Variants in QTMAN observed in about 807,000 individuals in gnomAD.
The protein encoded by QTMAN is queuosine-tRNA mannosyltransferase.
At chr2:144,060,626 C>T in the QTMAN span, among the ~76,000 whole-genome samples, 1 of 152,312 alleles carries the variant, frequency 6.6e-6, no homozygotes, top group East Asian at 1.9e-4. Context: ...ATAATCATGG[C>T]TTTCTCTACA....
the QTMAN span, among the ~76,000 whole-genome samples, chr2:144,140,221 G>A: frequency 6.6e-6 from 1 of 151,914 alleles, no homozygotes; most frequent in Admixed American, 6.6e-5. Flanking sequence ...TATTTAGCTA[G>A]ATTCCTTTAT....
chr2:144,101,727 T>C, the QTMAN span, among the ~76,000 whole-genome samples: 2 of 152,032 alleles, frequency 1.3e-5, no homozygotes, highest in Admixed American at 1.3e-4. Flanking sequence ...ATATATATAT[T>C]CCCTTTTTGA....
the QTMAN span, among the ~76,000 whole-genome samples, chr2:144,269,983 T>C: frequency 3.9e-5 from 6 of 152,316 alleles, no homozygotes; most frequent in East Asian, 1.9e-4. Context: ...CATTATTTTA[T>C]AGTTTAGATG....
At chr2:144,130,159 G>A in the QTMAN span, among the ~76,000 whole-genome samples, 8 of 151,182 alleles carry the variant, frequency 5.3e-5, no homozygotes, top group African/African-American at 1.9e-4. Context: ...CCCCCACAGG[G>A]GAAAGCCTAT....
chr2:144,043,533 C>A, the QTMAN span, among the ~76,000 whole-genome samples: 2 of 151,672 alleles, frequency 1.3e-5, no homozygotes. Context: ...ACTAGGGAGG[C>A]TGAGGCAGAG....
the QTMAN span, among the ~76,000 whole-genome samples, chr2:144,209,205 A>T: frequency 6.6e-6 from 1 of 152,214 alleles, no homozygotes; most frequent in Admixed American, 6.5e-5. Context: ...ACAGTCACTG[A>T]ACTCATCTTC....
the QTMAN span, among the ~76,000 whole-genome samples, chr2:144,030,367 CA>C: frequency 6.6e-6 from 1 of 152,182 alleles, no homozygotes; most frequent in Non-Finnish European, 1.5e-5. Context: ...CTGAAAGGTT[CA>C]GTTCAATGTC....
At chr2:144,282,400 A>G in the QTMAN span, among the ~76,000 whole-genome samples, 6 of 148,800 alleles carry the variant, frequency 4.0e-5, no homozygotes, top group East Asian at 9.7e-4. Context: ...TATTATATAT[A>G]TGTAATATAT....
the QTMAN span, among the ~76,000 whole-genome samples, chr2:144,196,215 A>C: frequency 5.4e-5 from 2 of 37,274 alleles, no homozygotes; most frequent in African/African-American, 2.4e-4. Flanking sequence ...ACACATAGCC[A>C]CACACACACA....
chr2:143,992,925 G>T, the QTMAN span, among the ~76,000 whole-genome samples: 1 of 152,006 alleles, frequency 6.6e-6, no homozygotes, highest in Non-Finnish European at 1.5e-5. Flanking sequence ...TTTCCACCTT[G>T]AATTCCTAAC....
the QTMAN span, among the ~76,000 whole-genome samples, chr2:143,951,470 G>T: frequency 1.3e-5 from 2 of 151,410 alleles, no homozygotes; most frequent in African/African-American, 2.4e-5. Flanking sequence ...AGAAACTGAG[G>T]ATTTTTTATG....
the QTMAN span, among the ~76,000 whole-genome samples, chr2:143,948,428 G>A: frequency 6.6e-6 from 1 of 152,140 alleles, no homozygotes. Context: ...AAGCAAGAAT[G>A]GCATCTCTCT....
chr2:144,080,255 T>C, the QTMAN span, among the ~76,000 whole-genome samples: 1 of 152,176 alleles, frequency 6.6e-6, no homozygotes, highest in Non-Finnish European at 1.5e-5. Flanking sequence ...TCTATATTTT[T>C]AGAGTGTACA....
the QTMAN span, among the ~76,000 whole-genome samples, chr2:144,278,219 C>T: frequency 6.6e-6 from 1 of 152,178 alleles, no homozygotes; most frequent in East Asian, 1.9e-4. Context: ...AGCCTACAGT[C>T]TTTTGCTTTT....
chr2:144,235,676 C>G, the QTMAN span: 2 of 152,580 alleles, frequency 1.3e-5, no homozygotes, highest in Admixed American at 1.3e-4. Flanking sequence ...ATCTGCTTAC[C>G]TGATGATCCA....
At chr2:143,953,070 G>A in the QTMAN span, among the ~76,000 whole-genome samples, 3 of 151,788 alleles carry the variant, frequency 2.0e-5, no homozygotes, top group Admixed American at 2.0e-4. Context: ...TTTGTTCACT[G>A]AATTAATCAA....
At chr2:143,982,063 A>C in the QTMAN span, among the ~76,000 whole-genome samples, 1 of 152,294 alleles carries the variant, frequency 6.6e-6, no homozygotes, top group African/African-American at 2.4e-5. Context: ...ACTTACATGG[A>C]AAAGAATAAG....
chr2:144,110,352 G>C, the QTMAN span, among the ~76,000 whole-genome samples: 1 of 151,986 alleles, frequency 6.6e-6, no homozygotes. Flanking sequence ...GAGAACACTT[G>C]GACACAGGAA....
At chr2:144,296,043 G>A in the QTMAN span, among the ~76,000 whole-genome samples, 1 of 152,296 alleles carries the variant, frequency 6.6e-6, no homozygotes, top group Admixed American at 6.5e-5. Flanking sequence ...TCAAACTGTG[G>A]TTTATTAAGC....
Sources: gnomAD v4.1 joint callset for allele counts (sites outside exome capture counted in the v4.1 genomes callset) on GRCh38, gnomAD v4.1.1 for gene constraint, MANE v1.5 for transcripts, NCBI Gene and HGNC (gene_info 2026-07-23, HGNC 2026-07-21) for gene names.